The following SSBP2 variants were observed in gnomAD, a reference collection of about 807,000 sequenced individuals.
SSBP2 encodes single stranded DNA binding protein 2.
Under a neutral mutation model 61.8 loss-of-function variants are expected in SSBP2, and 17 were observed. The ratio of observed to expected loss-of-function variants is 0.28; its 90% CI spans 0.19 to 0.41. The LOEUF (loss-of-function observed/expected upper bound fraction) is 0.41. SSBP2 is among the 10% of genes least tolerant of loss of function. SSBP2 has a pLI of 1.00. For missense variants in SSBP2, 310 were observed against 458.7 expected, an observed-to-expected ratio of 0.68 and a Z score of 2.96; for synonymous variants, 139 against 141.3, an observed-to-expected ratio of 0.98 and a Z score of 0.12.
chr5:81,563,709 A>G (rs1398570924), intron 4 of SSBP2, among the ~76,000 whole-genome samples: 3 of 152,184 alleles, frequency 2.0e-5, no homozygotes, highest in South Asian at 2.1e-4. Context: ...GAATGAAATT[A>G]GACCCTTATC....
At chr5:81,437,320 T>C in intron 15 of SSBP2, 110 bp downstream of exon 15, 1 of 1,025,448 alleles carries the variant, frequency 9.8e-7, no homozygotes, top group South Asian at 1.4e-5. Flanking sequence ...GTCTTCTACT[T>C]TCAAACTCTT....
intron 4 of SSBP2, among the ~76,000 whole-genome samples, chr5:81,565,034 A>G (rs546823784): frequency 1.3e-5 from 2 of 152,372 alleles, no homozygotes; most frequent in South Asian, 4.1e-4. Context: ...ATTCTTTGCA[A>G]GAGGATAAAG....
chr5:81,438,639 T>C (rs1004100106), intron 14 of SSBP2, among the ~76,000 whole-genome samples: 1 of 152,308 alleles, frequency 6.6e-6, no homozygotes, highest in Middle Eastern at 3.4e-3. Context: ...ATGTTCATTA[T>C]AGAAAGCAAT....
intron 4 of SSBP2, among the ~76,000 whole-genome samples, chr5:81,569,084 A>G (rs1773654549): frequency 6.6e-6 from 1 of 152,224 alleles, no homozygotes. Flanking sequence ...TTAGAGCAAA[A>G]GAATGGAAGG....
intron 4 of SSBP2, among the ~76,000 whole-genome samples, chr5:81,543,131 AG>A (rs1166392547): frequency 1.3e-5 from 2 of 152,178 alleles, no homozygotes; most frequent in African/African-American, 2.4e-5. Flanking sequence ...CTGGGATTAC[AG>A]GCGTGAGCCA....
At chr5:81,615,334 C>A in intron 4 of SSBP2, 139 bp downstream of exon 4, 1 of 693,124 alleles carries the variant, frequency 1.4e-6, no homozygotes, top group Non-Finnish European at 2.5e-6. Context: ...AAGTTATGAA[C>A]CTACTTTTCA....
intron 9 of SSBP2, among the ~76,000 whole-genome samples, chr5:81,463,624 G>A (rs1396821182): frequency 3.3e-5 from 5 of 151,956 alleles, no homozygotes; most frequent in African/African-American, 9.7e-5. Context: ...TGCTTGAACC[G>A]GAGAGGCAGA....
At chr5:81,461,181 A>G in intron 9 of SSBP2, 78 bp from the exon 10 acceptor site, 1 of 1,106,858 alleles carries the variant, frequency 9.0e-7, no homozygotes, top group Non-Finnish European at 1.3e-6. Context: ...ATCATAAAAT[A>G]TAACATTTAT....
chr5:81,516,401 G>A (rs1442115197), intron 4 of SSBP2, among the ~76,000 whole-genome samples: 1 of 152,080 alleles, frequency 6.6e-6, no homozygotes, highest in Non-Finnish European at 1.5e-5. Flanking sequence ...GTTATCTGAT[G>A]TGATAGTAAC....
intron 1 of SSBP2, among the ~76,000 whole-genome samples, chr5:81,705,383 C>T (rs1754297530): frequency 6.6e-6 from 1 of 151,652 alleles, no homozygotes; most frequent in Non-Finnish European, 1.5e-5. Flanking sequence ...AGTAGCAAAC[C>T]AAGGAAATGT....
At chr5:81,458,234 G>A (rs541197175) in intron 10 of SSBP2, among the ~76,000 whole-genome samples, 1 of 152,248 alleles carries the variant, frequency 6.6e-6, no homozygotes, top group East Asian at 1.9e-4. Context: ...AAAGATTATT[G>A]AGCCAATTAG....
chr5:81,423,430 C>A (rs1484350729), intron 16 of SSBP2, among the ~76,000 whole-genome samples: 12 of 152,054 alleles, frequency 7.9e-5, no homozygotes, highest in African/African-American at 2.9e-4. Context: ...CAGAAAGGAC[C>A]TCAAAGGAAA....
chr5:81,701,547 G>A (rs1753983844), intron 1 of SSBP2, among the ~76,000 whole-genome samples: 2 of 152,120 alleles, frequency 1.3e-5, no homozygotes, highest in South Asian at 4.1e-4. Context: ...ATAAAGTGGA[G>A]CACAATAAAA....
intron 1 of SSBP2, among the ~76,000 whole-genome samples, chr5:81,659,691 A>G (rs1233113425): frequency 6.6e-6 from 1 of 152,202 alleles, no homozygotes; most frequent in Non-Finnish European, 1.5e-5. Flanking sequence ...AACCAAAAAA[A>G]GAGCCTGTAT....
chr5:81,439,964 C>T (rs1270385810), intron 14 of SSBP2, among the ~76,000 whole-genome samples: 1 of 152,004 alleles, frequency 6.6e-6, no homozygotes, highest in African/African-American at 2.4e-5. Context: ...AGCCATGGCG[C>T]CTGGCCTATA....
intron 4 of SSBP2, among the ~76,000 whole-genome samples, chr5:81,589,306 T>A (rs977725873): frequency 6.6e-6 from 1 of 152,152 alleles, no homozygotes; most frequent in Non-Finnish European, 1.5e-5. Context: ...AAGTACAGCA[T>A]GAGAGGTTCA....
intron 4 of SSBP2, among the ~76,000 whole-genome samples, chr5:81,583,893 A>C (rs962987411): frequency 2.1e-4 from 32 of 152,216 alleles, no homozygotes. Flanking sequence ...CATCAAATGT[A>C]GTTTTCCAAC....
intron 8 of SSBP2, among the ~76,000 whole-genome samples, chr5:81,470,511 TA>T (rs1366934051): frequency 1.3e-5 from 2 of 151,862 alleles, no homozygotes; most frequent in Non-Finnish European, 2.9e-5. Context: ...ACATGTTAAC[TA>T]TATTCTATGT....
Position 81,418,647 on chromosome 5 carries a change from T to C in SSBP2, c.*1857A>G, listed in dbSNP as rs1761424977. ...TATAGGCTCCTACACACCTAGGCTA[T>C]ATAATATAAACTATTGCTCCTAGGC... On this transcript the variant is annotated 3_prime_UTR_variant, in exon 17 of 17. Coordinates refer to ENST00000320672, the MANE Select transcript of SSBP2 (RefSeq NM_012446.5). 3 of 152,196 alleles carry C rather than the reference T, an allele frequency of 2.0e-5. No homozygotes were observed. The highest frequency in any genetic ancestry group is 7.2e-5 in the African/African-American group (3 of 41,452). 9.4% of individuals were successfully genotyped at this position (152,196 alleles called of 1,614,324 possible).
Sources: allele counts gnomAD v4.1 joint callset (sites outside exome capture counted in the v4.1 genomes callset), GRCh38; gene constraint gnomAD v4.1.1; transcripts MANE v1.5; gene names NCBI Gene and HGNC (gene_info 2026-07-23, HGNC 2026-07-21).